The following CREBBP variants were observed in gnomAD, a reference collection of about 807,000 sequenced individuals.
The protein encoded by CREBBP is CREB-binding protein.
A neutral mutation model predicts 265.0 loss-of-function variants in CREBBP; 19 were observed. The observed-to-expected ratio is 0.07, with a 90% confidence interval of 0.05 to 0.11. CREBBP has a LOEUF of 0.11. Among genes scored for constraint, CREBBP ranks in the 10% least tolerant of loss-of-function variants. The probability of loss-of-function intolerance (pLI) is 1.00; values close to 1 mark genes in which losing one functional copy is unlikely to be tolerated. For synonymous variants in CREBBP, 1,457 were observed against 1,223.7 expected, an observed-to-expected ratio of 1.19 and a Z score of -3.98; for missense variants, 2,525 against 3,219.0, an observed-to-expected ratio of 0.78 and a Z score of 5.22.
chr16:3,812,365 G>C (rs2053955356), intron 2 of CREBBP, among the ~76,000 whole-genome samples: 1 of 151,856 alleles, frequency 6.6e-6, no homozygotes, highest in Non-Finnish European at 1.5e-5. Flanking sequence ...TTTTAGTAGA[G>C]ACAAAGTTTC....
At chr16:3,762,559 A>G (rs564181292) in intron 16 of CREBBP, among the ~76,000 whole-genome samples, 138 of 151,814 alleles carry the variant, frequency 9.1e-4, no homozygotes, top group African/African-American at 3.3e-3. Context: ...TGAAGTCAGG[A>G]GTGTATGTGA....
chr16:3,828,995 G>A lies in CREBBP; in HGVS notation c.799-18216C>T, dbSNP rs749535209. 3.6e-4 allele frequency among the ~76,000 whole-genome samples: 54 copies of A among 151,462 alleles called. 1 individual carries two copies. Among genetic ancestry groups the A allele is most frequent in the Middle Eastern group, 6.8e-3 (2 of 292 alleles). On this transcript the variant is annotated intron_variant, in intron 2 of 30. Transcript: ENST00000262367. ...AATAAATATAGTAATTGTTATCCTT[G>A]CTCATACCTGGATCACACTGAAATT... is the stretch of plus-strand genomic sequence containing the variant.
Position 3,774,551 on chromosome 16 carries a change from G to A in CREBBP, c.2283+18C>T, listed in dbSNP as rs1380881468. On this transcript the variant is annotated intron_variant, in intron 12 of 30. Transcript: ENST00000262367. The stretch of plus-strand genomic sequence containing the variant: ...GAGAGGGAGGGCTATCTGCAGCACA[G>A]CGAAAGAGAACACTTACCCCTGGCA... 2 of 1,614,002 alleles carry A rather than the reference G, an allele frequency of 1.2e-6. No homozygotes were observed. Among genetic ancestry groups the A allele is most frequent in the Non-Finnish European group, 1.7e-6 (2 of 1,180,026 alleles).
At chr16:3,796,543 C>T (rs771868073) in intron 3 of CREBBP, among the ~76,000 whole-genome samples, 3 of 152,096 alleles carry the variant, frequency 2.0e-5, no homozygotes, top group East Asian at 3.9e-4. Flanking sequence ...CCCACCACCA[C>T]GCCTGGCTAC....
intron 2 of CREBBP, among the ~76,000 whole-genome samples, chr16:3,844,210 C>T (rs2054621903): frequency 6.9e-6 from 1 of 145,302 alleles, no homozygotes; most frequent in African/African-American, 2.5e-5. Flanking sequence ...TAACGTAACA[C>T]TGATATAAAA....
intron 21 of CREBBP, among the ~76,000 whole-genome samples, chr16:3,747,437 T>C (rs1216155920): frequency 1.3e-5 from 2 of 152,204 alleles, no homozygotes; most frequent in Non-Finnish European, 2.9e-5. Flanking sequence ...GCAGCTTCAA[T>C]GTAAATGTCA....
intron 1 of CREBBP, among the ~76,000 whole-genome samples, chr16:3,867,592 T>A (rs1032124357): frequency 6.6e-6 from 1 of 151,860 alleles, no homozygotes; most frequent in Admixed American, 6.6e-5. Context: ...ACCAAAACAT[T>A]TTACCGTTAA....
chr16:3,877,410 C>T (rs1464659154), intron 1 of CREBBP, among the ~76,000 whole-genome samples: 1 of 152,162 alleles, frequency 6.6e-6, no homozygotes, highest in Non-Finnish European at 1.5e-5. Flanking sequence ...AAGTGTCCCT[C>T]GTTTCTTTTG....
intron 21 of CREBBP, 130 bp from the exon 22 acceptor site, chr16:3,745,484 T>C: frequency 2.6e-6 from 2 of 764,076 alleles, no homozygotes; most frequent in Non-Finnish European, 2.3e-6. Context: ...TTAATGCGTG[T>C]GTTGGCTGAT....
At position 3,849,442 on chromosome 16, in the gene CREBBP, T is replaced by TGTGTGTGTGTGTGTGTG. The variant is rs2054764521; in HGVS notation, c.798+838_798+854dup. Reference sequence around the variant, plus strand: ...GTGTGTGTGTGTGTGTGTGTGTGTGTGTGTGTGTGTGTGTGTGTGTGTGTG... The same window carrying TGTGTGTGTGTGTGTGTG: ...GTGTGTGTGTGTGTGTGTGTGTGTGTGTGTGTGTGTGTGTGTGGTGTGTGTGTGTGTGTGTGTGTGTG... On this transcript the variant is annotated intron_variant, in intron 2 of 30. Transcript: ENST00000262367. Among the ~76,000 whole-genome samples, 10 of 18,670 alleles carry TGTGTGTGTGTGTGTGTG rather than the reference T, an allele frequency of 5.4e-4. 1 individual carries two copies. The highest frequency in any genetic ancestry group is 1.7e-3 in the Non-Finnish European group (7 of 4,172). 12.2% of individuals were successfully genotyped at this position (18,670 alleles called of 152,430 possible). A position where few individuals can be genotyped will look rare whatever the true frequency, so the allele number is the denominator to read the frequency against.
intron 3 of CREBBP, among the ~76,000 whole-genome samples, chr16:3,794,811 T>G (rs775266961): frequency 3.9e-5 from 6 of 152,234 alleles, no homozygotes; most frequent in Admixed American, 6.5e-5. Flanking sequence ...GTAAGAGAAG[T>G]GTTCCTAATG....
chr16:3,879,995 C>A lies in CREBBP; in HGVS notation c.-79G>T. The A allele has an allele frequency of 2.8e-6, 4 of 1,417,114 alleles. No individual in the cohort carries two copies. The highest frequency in any genetic ancestry group is 3.8e-6 in the Non-Finnish European group (4 of 1,041,826). The allele number at this position is 1,417,114 out of a possible 1,614,324, so 87.8% of individuals were successfully genotyped here. A position where few individuals can be genotyped will look rare whatever the true frequency, so the allele number is the denominator to read the frequency against. ...CCCGGACGGGGGTCGGGGGCCCTGC[C>A]GGCTGCGAGGGAGAGGAGCGAGCGC... On this transcript the variant is annotated 5_prime_UTR_variant, in exon 1 of 31. Transcript: ENST00000262367.
At chr16:3,784,622 A>T (rs1444049311) in intron 5 of CREBBP, 1 of 152,256 alleles carries the variant, frequency 6.6e-6, no homozygotes, top group Non-Finnish European at 1.5e-5. Context: ...GAACAGGGCT[A>T]CACTATATTT....
chr16:3,785,953 T>A (rs1703273184), intron 5 of CREBBP, among the ~76,000 whole-genome samples: 1 of 152,232 alleles, frequency 6.6e-6, no homozygotes, highest in Non-Finnish European at 1.5e-5. Context: ...CCTTCTGATG[T>A]TGCTGAAGAA....
At chr16:3,875,819 C>A (rs2055388434) in intron 1 of CREBBP, among the ~76,000 whole-genome samples, 1 of 152,136 alleles carries the variant, frequency 6.6e-6, no homozygotes. Flanking sequence ...AAGGATCAAA[C>A]TGAGGTGACG....
intron 1 of CREBBP, among the ~76,000 whole-genome samples, chr16:3,879,212 T>C (rs999162117): frequency 7.2e-5 from 10 of 138,326 alleles, no homozygotes; most frequent in South Asian, 2.4e-4. Context: ...GAATGACTAG[T>C]TGACTAAAAA....
In CREBBP at chr16:3,843,147, GC is replaced by G. The variant is rs559266604; in HGVS notation, c.798+7149del. 2.9e-3 allele frequency among the ~76,000 whole-genome samples: 441 copies of G among 152,258 alleles called. 6 individuals carry two copies. The highest frequency in any genetic ancestry group is 0.01 in the African/African-American group (425 of 41,542). ...TGTAAAACTTACGAAAGAACAGGCTGCATTGCATTAGTGTTAACAGGCCTCT... is the reference window on the plus strand; with the variant it reads ...TGTAAAACTTACGAAAGAACAGGCTGATTGCATTAGTGTTAACAGGCCTCT... On this transcript the variant is annotated intron_variant, in intron 2 of 30. Transcript: ENST00000262367.
chr16:3,835,724 C>T (rs1189272179), intron 2 of CREBBP, among the ~76,000 whole-genome samples: 2 of 151,624 alleles, frequency 1.3e-5, no homozygotes, highest in Non-Finnish European at 2.9e-5. Flanking sequence ...GGACTACAGG[C>T]GCCTGGCACC....
At chr16:3,776,832 G>A (rs1181333315) in intron 11 of CREBBP, among the ~76,000 whole-genome samples, 1 of 151,692 alleles carries the variant, frequency 6.6e-6, no homozygotes, top group African/African-American at 2.4e-5. Flanking sequence ...CTAACATGGT[G>A]AAACCCCATC....
Sources: allele counts gnomAD v4.1 joint callset (sites outside exome capture counted in the v4.1 genomes callset), GRCh38; gene constraint gnomAD v4.1.1; transcripts MANE v1.5; gene names NCBI Gene and HGNC (gene_info 2026-07-23, HGNC 2026-07-21).